MGAT1: variants seen among roughly 807,000 people sequenced by gnomAD.
MGAT1 encodes N-glycosyl-oligosaccharide-glycoprotein N-acetylglucosaminyltransferase I.
In MGAT1, 14 loss-of-function variants were observed where a neutral mutation model predicts 31.7. That is an observed-to-expected ratio of 0.44 (90% CI 0.29 to 0.69). The LOEUF is 0.69. Ranked by LOEUF, MGAT1 falls within the 30% of genes least tolerant of loss-of-function variation. MGAT1 has a pLI of 0.12. For synonymous variants in MGAT1, 338 were observed against 276.0 expected (o/e 1.22, Z -2.23); for missense variants, 557 against 626.0 (o/e 0.89, Z 1.18).
At chr5:180,799,999 C>T (rs139970725) in intron 1 of MGAT1, among the ~76,000 whole-genome samples, 127 of 152,294 alleles carry the variant, frequency 8.3e-4, no homozygotes, top group Admixed American at 1.8e-3. Flanking sequence ...AGGAGACAGC[C>T]CTCCAGATTA....
At chr5:180,812,538 A>C (rs527766930) in intron 1 of MGAT1, among the ~76,000 whole-genome samples, 10 of 145,000 alleles carry the variant, frequency 6.9e-5, no homozygotes, top group Admixed American at 6.7e-4. Flanking sequence ...TATCTTTCCA[A>C]ATATTTTTTA....
chr5:180,807,479 G>C (rs1772021129), upstream of MGAT1, among the ~76,000 whole-genome samples: 1 of 152,162 alleles, frequency 6.6e-6, no homozygotes, highest in Non-Finnish European at 1.5e-5. Context: ...AAATACAAAG[G>C]GCGAAGAGAT....
rs1350220012 is a variant in MGAT1 at position 180,788,532 on chromosome 5, A to G, written c.*3102T>C. On this transcript the variant is annotated 3_prime_UTR_variant, in exon 2 of 2. Coordinates refer to ENST00000307826, the MANE Select transcript of MGAT1 (RefSeq NM_002406.4). ...TTCATTCCAATCCGGCTCTCCCTCA[A>G]CCATCTGTGTGACCTTGGGCAACTT... is the stretch of plus-strand genomic sequence containing the variant. 6.6e-6 allele frequency: 1 copy of G among 152,462 alleles called. No individual in the cohort carries two copies. Among genetic ancestry groups the G allele is most frequent in the African/African-American group, 2.4e-5 (1 of 41,456 alleles). 9.4% of individuals were successfully genotyped at this position (152,462 alleles called of 1,614,324 possible).
rs1403728933 is a variant in MGAT1 at position 180,789,099 on chromosome 5, C to T, written c.*2535G>A. 1.3e-5 allele frequency: 2 copies of T among 152,250 alleles called. No individual in the cohort carries two copies. The highest frequency in any genetic ancestry group is 4.8e-5 in the African/African-American group (2 of 41,448). The allele number at this position is 152,250 out of a possible 1,614,324, so 9.4% of individuals were successfully genotyped here. On this transcript the variant is annotated 3_prime_UTR_variant, in exon 2 of 2. Transcript: ENST00000307826. ...AAGCAACAGGGGAAGGCAAAACCCG[C>T]TCCACACAAATCTCAAAGGTTAAAA...
At position 180,785,945 on chromosome 5, in the gene MGAT1, T is replaced by C. The variant is rs1166785156; in HGVS notation, c.*5689A>G. On this transcript the variant is annotated 3_prime_UTR_variant, in exon 2 of 2. Coordinates refer to ENST00000307826, the MANE Select transcript of MGAT1 (RefSeq NM_002406.4). ...TGCACTGAGGGTGCATCCCACCTCCTGCAGGGAAGGCAGCCAGACCACATT... is the reference window on the plus strand; with the variant it reads ...TGCACTGAGGGTGCATCCCACCTCCCGCAGGGAAGGCAGCCAGACCACATT... 6.6e-6 allele frequency: 1 copy of C among 152,298 alleles called. No individual in the cohort carries two copies. The highest frequency in any genetic ancestry group is 1.5e-5 in the Non-Finnish European group (1 of 68,090). 9.4% of individuals were successfully genotyped at this position (152,298 alleles called of 1,614,324 possible).
chr5:180,802,480 C>T (rs866410055), intron 1 of MGAT1, among the ~76,000 whole-genome samples, 200 bp downstream of exon 1: 2 of 152,310 alleles, frequency 1.3e-5, no homozygotes, highest in African/African-American at 4.8e-5. Context: ...AAGCAGAAGG[C>T]GGAGTTCCAA....
chr5:180,788,733 T>C lies in MGAT1; in HGVS notation c.*2901A>G, dbSNP rs1260508124. The C allele has an allele frequency of 1.5e-5, 2 of 137,654 alleles. No individual in the cohort carries two copies. Among genetic ancestry groups the C allele is most frequent in the Non-Finnish European group, 1.6e-5 (1 of 63,062 alleles). The allele number at this position is 137,654 out of a possible 1,614,324, so 8.5% of individuals were successfully genotyped here. A position where few individuals can be genotyped will look rare whatever the true frequency, so the allele number is the denominator to read the frequency against. On this transcript the variant is annotated 3_prime_UTR_variant, in exon 2 of 2. Transcript: ENST00000307826. ...TATCCTGGAGCACTAAGTAAGTTGG[T>C]ACTTATCCTGGAGCACTAAGTAAGT...
chr5:180,795,152 A>C (rs1466195228), intron 1 of MGAT1, among the ~76,000 whole-genome samples: 1 of 152,144 alleles, frequency 6.6e-6, no homozygotes, highest in Non-Finnish European at 1.5e-5. Context: ...TACAGAAAGC[A>C]GATCAGTTGT....
At chr5:180,797,528 C>T (rs1289541629) in intron 1 of MGAT1, among the ~76,000 whole-genome samples, 1 of 151,994 alleles carries the variant, frequency 6.6e-6, no homozygotes, top group Non-Finnish European at 1.5e-5. Flanking sequence ...AACTTCTGCA[C>T]CCTTTAGATG....
At chr5:180,814,225 A>C (rs1006032391) in intron 1 of MGAT1, among the ~76,000 whole-genome samples, 9 of 152,236 alleles carry the variant, frequency 5.9e-5, no homozygotes, top group Non-Finnish European at 2.9e-5. Context: ...TGGTAGGTAC[A>C]AAAGTTAGTT....
intron 1 of MGAT1, among the ~76,000 whole-genome samples, chr5:180,796,825 T>A (rs1359374337): frequency 1.3e-5 from 2 of 152,082 alleles, no homozygotes; most frequent in African/African-American, 4.8e-5. Context: ...TTGGCCAGGC[T>A]GGTGTTGAAC....
At chr5:180,805,154 G>A (rs770487552), upstream of MGAT1, among the ~76,000 whole-genome samples, 2 of 152,094 alleles carry the variant, frequency 1.3e-5, no homozygotes, top group Non-Finnish European at 2.9e-5. Context: ...AAGGGGCCAG[G>A]ATTCTGGGGG....
At chr5:180,806,235 G>A (rs553927982), upstream of MGAT1, among the ~76,000 whole-genome samples, 7 of 152,166 alleles carry the variant, frequency 4.6e-5, no homozygotes, top group South Asian at 6.2e-4. Context: ...TCAGTGAGCC[G>A]AGATCGCACC....
chr5:180,800,315 A>G (rs1770457790), intron 1 of MGAT1, among the ~76,000 whole-genome samples: 1 of 152,246 alleles, frequency 6.6e-6, no homozygotes, highest in African/African-American at 2.4e-5. Context: ...TTAGTGGCTT[A>G]AAACAATAGT....
In MGAT1 at chr5:180,792,200, G is replaced by C. The variant is rs1313032227; in HGVS notation, c.772C>G (p.Leu258Val). 1.2e-6 allele frequency: 2 copies of C among 1,613,136 alleles called. No homozygotes were observed. The highest frequency in any genetic ancestry group is 1.7e-6 in the Non-Finnish European group (2 of 1,180,010). Reference protein sequence around the residue: ...QMVDASRPELLYRTDFFPGLG... With the variant: ...QMVDASRPELVYRTDFFPGLG... ...CCAGGGAAAAAGTCGGTGCGGTAGA[G>C]CAGCTCAGGCCTGCTGGCGTCCACC... Residue 258 changes from leucine to valine, a missense_variant, in exon 2 of 2, where the codon CTC (leucine) becomes GTC (valine). Around this residue, in one of 3 missense-constraint regions of MGAT1, gnomAD observed 245 missense variants for 332.9 expected, o/e 0.74. Coordinates refer to ENST00000307826, the MANE Select transcript of MGAT1 (RefSeq NM_002406.4).
In MGAT1 at chr5:180,792,832, G is replaced by A; in HGVS notation, c.140C>T (p.Pro47Leu). Residue 47 changes from proline (P) to leucine (L), a missense_variant, in exon 2 of 2, where the codon CCC becomes CTC. Physicochemically the swap from Pro to Leu is moderately conservative, Grantham distance 98. Around this residue, in one of 3 missense-constraint regions of MGAT1, gnomAD observed 167 missense variants for 149.8 expected, o/e 1.11. Coordinates refer to ENST00000307826, the MANE Select transcript of MGAT1 (RefSeq NM_002406.4). ...AATCACTTCCCGGGTGAGGCTGGCG[G>A]GGTCGCCATCGAGAGCGCTGACTGA... ...PPSVSALDGDPASLTREVIRL... is the reference protein window; with the variant it reads ...PPSVSALDGDLASLTREVIRL... The A allele has an allele frequency of 6.4e-7, 1 of 1,562,660 alleles. No individual in the cohort carries two copies. The highest frequency in any genetic ancestry group is 1.9e-5 in the Admixed American group (1 of 51,930).
chr5:180,809,143 T>C (rs1772254892), intron 1 of MGAT1: 1 of 152,260 alleles, frequency 6.6e-6, no homozygotes, highest in Non-Finnish European at 1.5e-5. Flanking sequence ...TAAAACCTTC[T>C]AGTTTCCACT....
rs1767621746 is a variant in MGAT1 at position 180,787,145 on chromosome 5, C to G, written c.*4489G>C. The G allele has an allele frequency of 6.6e-6, 1 of 152,460 alleles. No homozygotes were observed. Among genetic ancestry groups the G allele is most frequent in the Non-Finnish European group, 1.5e-5 (1 of 68,242 alleles). The allele number at this position is 152,460 out of a possible 1,614,324, so 9.4% of individuals were successfully genotyped here. ...GTTACCCCCGCCTCACAGGAAGAGGCTCTGGCAGGAAGAACAGCTGGACCC... is the reference window on the plus strand; with the variant it reads ...GTTACCCCCGCCTCACAGGAAGAGGGTCTGGCAGGAAGAACAGCTGGACCC... On this transcript the variant is annotated 3_prime_UTR_variant, in exon 2 of 2. Coordinates refer to ENST00000307826, the MANE Select transcript of MGAT1 (RefSeq NM_002406.4).
intron 1 of MGAT1, among the ~76,000 whole-genome samples, chr5:180,797,037 G>C (rs924580453): frequency 6.6e-6 from 1 of 152,220 alleles, no homozygotes; most frequent in African/African-American, 2.4e-5. Context: ...GCAAGAAAAA[G>C]ACTTTATATA....
Sources: allele counts gnomAD v4.1 joint callset (sites outside exome capture counted in the v4.1 genomes callset), GRCh38; gene constraint gnomAD v4.1.1; regional missense constraint gnomAD v4.1.1; transcripts MANE v1.5; gene names NCBI Gene and HGNC (gene_info 2026-07-23, HGNC 2026-07-21).